Variants in CELF2 observed in about 807,000 individuals in gnomAD.
CELF2 encodes CUGBP Elav-like family member 2.
Under a neutral mutation model 62.6 loss-of-function variants are expected in CELF2, and 8 were observed. The ratio of observed to expected loss-of-function variants is 0.13; its 90% CI spans 0.07 to 0.23. The LOEUF (loss-of-function observed/expected upper bound fraction) is 0.23. Among genes scored for constraint, CELF2 ranks in the 10% least tolerant of loss-of-function variants. The pLI is 1.00. For synonymous variants in CELF2, 258 were observed against 250.0 expected (o/e 1.03, Z -0.30); for missense variants, 333 against 671.0 (o/e 0.50, Z 5.56).
intron 1 of CELF2, among the ~76,000 whole-genome samples, chr10:10,866,674 G>A (rs2060392361): frequency 6.6e-6 from 1 of 150,844 alleles, no homozygotes; most frequent in African/African-American, 2.4e-5. Flanking sequence ...ATTGTGGTGA[G>A]GGCCGGGCGC....
At chr10:10,486,804 C>T in the CELF2 span, among the ~76,000 whole-genome samples, 3 of 152,070 alleles carry the variant, frequency 2.0e-5, no homozygotes, top group South Asian at 2.1e-4. Context: ...AGTTTGTACC[C>T]TAACTTAGGA....
intron 1 of CELF2, among the ~76,000 whole-genome samples, chr10:10,810,756 G>A (rs963380483): frequency 3.9e-5 from 6 of 152,182 alleles, no homozygotes; most frequent in Admixed American, 2.0e-4. Context: ...CCCAATCATC[G>A]TTCATCAAGT....
the CELF2 span, among the ~76,000 whole-genome samples, chr10:10,510,239 A>G: frequency 6.6e-6 from 1 of 152,208 alleles, no homozygotes; most frequent in African/African-American, 2.4e-5. Context: ...AAGTGCCATT[A>G]TCCTGAATGA....
At chr10:10,754,061 G>GGTTTTTTTTTTTTT in the CELF2 span, among the ~76,000 whole-genome samples, 33 of 85,056 alleles carry the variant, frequency 3.9e-4, no homozygotes, top group East Asian at 9.8e-4. Flanking sequence ...TGCTGAGGTG[G>GGTTTTTTTTTTTTT]TTTTTTTTTT....
At chr10:10,625,812 T>C in the CELF2 span, among the ~76,000 whole-genome samples, 1 of 152,164 alleles carries the variant, frequency 6.6e-6, no homozygotes, top group East Asian at 1.9e-4. Flanking sequence ...AGGAACAGGG[T>C]CGATCTGAGT....
intron 7 of CELF2, among the ~76,000 whole-genome samples, chr10:11,273,671 G>A (rs960643728): frequency 3.9e-5 from 6 of 151,972 alleles, no homozygotes; most frequent in African/African-American, 1.5e-4. Context: ...GAGGAACGGT[G>A]TTCTGGATTG....
chr10:11,231,316 C>CA (rs2068563031), intron 3 of CELF2, among the ~76,000 whole-genome samples: 1 of 152,182 alleles, frequency 6.6e-6, no homozygotes, highest in African/African-American at 2.4e-5. Context: ...TAACCATGGT[C>CA]AGCGTTTGCC....
At chr10:11,312,690 C>T (rs1303256058) in intron 9 of CELF2, among the ~76,000 whole-genome samples, 3 of 152,232 alleles carry the variant, frequency 2.0e-5, no homozygotes, top group Non-Finnish European at 4.4e-5. Flanking sequence ...AATCCCAGCA[C>T]TTTGGGAGGC....
the CELF2 span, among the ~76,000 whole-genome samples, chr10:10,511,830 T>C: frequency 6.6e-6 from 1 of 152,196 alleles, no homozygotes; most frequent in Non-Finnish European, 1.5e-5. Context: ...GTAAGAACCA[T>C]ATCAAGGCCT....
chr10:10,704,270 A>C, the CELF2 span, among the ~76,000 whole-genome samples: 7 of 152,178 alleles, frequency 4.6e-5, no homozygotes, highest in South Asian at 4.2e-4. Flanking sequence ...GTCAAAACAA[A>C]TAGAGGAAGC....
chr10:11,192,688 C>T (rs907082588), intron 2 of CELF2, among the ~76,000 whole-genome samples: 3 of 152,170 alleles, frequency 2.0e-5, no homozygotes, highest in East Asian at 3.9e-4. Context: ...GTGAGTTGCC[C>T]ACCCTCACAG....
chr10:11,325,434 A>G (rs753060757), intron 11 of CELF2, among the ~76,000 whole-genome samples: 3 of 152,258 alleles, frequency 2.0e-5, no homozygotes, highest in Admixed American at 6.5e-5. Context: ...TTTAGAATGC[A>G]CAGAGCACCC....
At chr10:10,609,890 C>A in the CELF2 span, among the ~76,000 whole-genome samples, 4 of 152,156 alleles carry the variant, frequency 2.6e-5, no homozygotes, top group Non-Finnish European at 4.4e-5. Context: ...ATATACAAAC[C>A]CTCAAAGATG....
At chr10:11,054,896 G>A (rs2064874834) in intron 1 of CELF2, among the ~76,000 whole-genome samples, 1 of 152,108 alleles carries the variant, frequency 6.6e-6, no homozygotes, top group African/African-American at 2.4e-5. Flanking sequence ...TGTATTTTTA[G>A]TACAGATGGG....
chr10:10,823,026 T>C (rs1179674922), intron 1 of CELF2, among the ~76,000 whole-genome samples: 1 of 152,222 alleles, frequency 6.6e-6, no homozygotes, highest in East Asian at 1.9e-4. Context: ...ATTAAGTGTT[T>C]AGATATATGT....
rs980602781 is a variant in CELF2 at position 11,249,332 on chromosome 10, TTC to T, written c.403+135_403+136del. 3 of 705,738 alleles carry T rather than the reference TTC, an allele frequency of 4.3e-6. No homozygotes were observed. The Admixed American group carries it at 6.6e-5, about 16-fold the overall frequency. The allele number at this position is 705,738 out of a possible 1,614,324, so 43.7% of individuals were successfully genotyped here. The stretch of plus-strand genomic sequence containing the variant: ...GACAGAGAGCGCTGCTCCTGGAATC[TTC>T]TCTGTGGCCTGTGTGTCTGGAGTAA... On this transcript the variant is annotated intron_variant, in intron 4 of 12. Transcript: ENST00000633077.
chr10:10,823,280 G>A (rs982101091), intron 1 of CELF2, among the ~76,000 whole-genome samples: 1 of 152,178 alleles, frequency 6.6e-6, no homozygotes, highest in African/African-American at 2.4e-5. Flanking sequence ...TATTAATTAA[G>A]TAAAAATTCC....
intron 2 of CELF2, among the ~76,000 whole-genome samples, chr10:11,197,025 A>AGAGAGAGAGAGAGAGAGAGAGAGAGAG (rs1554936317): frequency 1.5e-4 from 4 of 26,048 alleles, no homozygotes; most frequent in Non-Finnish European, 2.5e-4. Context: ...AGAAAGAAAG[A>AGAGAGAGAGAGAGAGAGAGAGAGAGAG]AAAGAAAGAA....
At chr10:10,895,529 C>T (rs939769878) in intron 1 of CELF2, among the ~76,000 whole-genome samples, 1 of 152,102 alleles carries the variant, frequency 6.6e-6, no homozygotes, top group African/African-American at 2.4e-5. Context: ...GAAAAATTTT[C>T]AGCCTATTCA....
Sources: gnomAD v4.1 joint callset for allele counts (sites outside exome capture counted in the v4.1 genomes callset) on GRCh38, gnomAD v4.1.1 for gene constraint, MANE v1.5 for transcripts, NCBI Gene and HGNC (gene_info 2026-07-23, HGNC 2026-07-21) for gene names.